Variants in PARVA observed in about 807,000 individuals in gnomAD.
PARVA encodes parvin alpha.
In PARVA, 25 loss-of-function variants were observed where a neutral mutation model predicts 52.6. That is an observed-to-expected ratio of 0.48 (90% CI 0.35 to 0.66). The LOEUF is 0.66. Among genes scored for constraint, PARVA ranks in the 30% least tolerant of loss-of-function variants. PARVA has a pLI of 0.01. For synonymous variants in PARVA, 185 were observed against 179.1 expected, an observed-to-expected ratio of 1.03 and a Z score of -0.26; for missense variants, 373 against 450.9, an observed-to-expected ratio of 0.83 and a Z score of 1.56.
upstream of PARVA, chr11:12,377,396 C>A (rs927332970): frequency 2.2e-6 from 3 of 1,360,448 alleles, no homozygotes; most frequent in Middle Eastern, 2.3e-4. Context: ...GGGGCATCCT[C>A]CCTGCTTGGG....
At chr11:12,396,445 A>G (rs1419468782) in intron 1 of PARVA, among the ~76,000 whole-genome samples, 2 of 152,216 alleles carry the variant, frequency 1.3e-5, no homozygotes, top group Non-Finnish European at 2.9e-5. Context: ...CCCTGGAAGC[A>G]AAGTGCCTGG....
At chr11:12,464,652 T>C (rs1307144511) in intron 1 of PARVA, among the ~76,000 whole-genome samples, 5 of 152,234 alleles carry the variant, frequency 3.3e-5, no homozygotes, top group Non-Finnish European at 7.3e-5. Flanking sequence ...ATTCCATCCT[T>C]GGGTCCTCTA....
intron 1 of PARVA, among the ~76,000 whole-genome samples, chr11:12,438,864 G>A (rs1940423797): frequency 6.6e-6 from 1 of 152,168 alleles, no homozygotes; most frequent in South Asian, 2.1e-4. Flanking sequence ...CACAAGGTTG[G>A]CACTCAGTAA....
At chr11:12,504,577 G>A (rs900107321) in intron 6 of PARVA, 148 bp downstream of exon 6, 1 of 621,056 alleles carries the variant, frequency 1.6e-6, no homozygotes, top group African/African-American at 1.8e-5. Context: ...CACTGAATGA[G>A]CTTTCTGTTG....
chr11:12,463,728 G>C (rs898534442), intron 1 of PARVA, among the ~76,000 whole-genome samples: 1 of 152,144 alleles, frequency 6.6e-6, no homozygotes, highest in Non-Finnish European at 1.5e-5. Flanking sequence ...TTTCAGAACA[G>C]AGGATCTATG....
chr11:12,471,387 ACT>A (rs1564855504), intron 1 of PARVA, among the ~76,000 whole-genome samples: 2 of 152,224 alleles, frequency 1.3e-5, no homozygotes, highest in South Asian at 2.1e-4. Context: ...TTATTTTTTA[ACT>A]TTAAGTTCAG....
intron 7 of PARVA, among the ~76,000 whole-genome samples, chr11:12,510,557 A>G (rs4757550): frequency 0.96 from 146,014 of 152,060 alleles, 70,394 homozygotes; most frequent in East Asian, 1. Flanking sequence ...AGACATACCC[A>G]AAACTGGGAA....
intron 1 of PARVA, among the ~76,000 whole-genome samples, chr11:12,429,079 G>T (rs113495972): frequency 1.3e-5 from 2 of 152,160 alleles, no homozygotes; most frequent in Non-Finnish European, 1.5e-5. Flanking sequence ...CTGGGCTCAC[G>T]TGATCCTCCT....
chr11:12,417,025 G>C (rs1589949626), intron 1 of PARVA, among the ~76,000 whole-genome samples: 1 of 152,260 alleles, frequency 6.6e-6, no homozygotes, highest in South Asian at 2.1e-4. Flanking sequence ...TTATAATGGA[G>C]AACTGTGTTT....
chr11:12,420,016 A>G (rs1426856855), intron 1 of PARVA, among the ~76,000 whole-genome samples: 1 of 152,210 alleles, frequency 6.6e-6, no homozygotes, highest in Non-Finnish European at 1.5e-5. Context: ...TATATTAATT[A>G]TAAGTTCTGT....
intron 5 of PARVA, among the ~76,000 whole-genome samples, chr11:12,497,023 G>C (rs759023534): frequency 6.6e-6 from 1 of 152,050 alleles, no homozygotes; most frequent in Non-Finnish European, 1.5e-5. Context: ...CAAAGCCCGC[G>C]CCCTTCCAAT....
intron 1 of PARVA, among the ~76,000 whole-genome samples, chr11:12,407,855 G>C (rs1439665157): frequency 6.6e-6 from 1 of 152,196 alleles, no homozygotes; most frequent in Non-Finnish European, 1.5e-5. Context: ...CTCATAAGGA[G>C]TAGGTCTCCC....
intron 1 of PARVA, among the ~76,000 whole-genome samples, chr11:12,449,825 T>C (rs1007758517): frequency 1.3e-5 from 2 of 152,208 alleles, no homozygotes; most frequent in Admixed American, 6.5e-5. Flanking sequence ...CAAGGGATTA[T>C]CCTGTCCAAA....
At chr11:12,464,963 C>T (rs143710397) in intron 1 of PARVA, among the ~76,000 whole-genome samples, 6 of 152,266 alleles carry the variant, frequency 3.9e-5, no homozygotes, top group Middle Eastern at 3.4e-3. Flanking sequence ...GCATTAAATT[C>T]TCATAAGGAG....
chr11:12,513,669 G>C (rs1941531688), intron 9 of PARVA: 1 of 589,348 alleles, frequency 1.7e-6, no homozygotes, highest in African/African-American at 1.8e-5. Context: ...TGCCGAAGAA[G>C]GGACAGGAAG....
chr11:12,499,000 C>T (rs568457798), intron 5 of PARVA, among the ~76,000 whole-genome samples: 49 of 152,268 alleles, frequency 3.2e-4, no homozygotes, highest in African/African-American at 1.2e-3. Flanking sequence ...GGGTAGATAT[C>T]CCACTGTTAA....
At chr11:12,419,401 C>T (rs1940115688) in intron 1 of PARVA, among the ~76,000 whole-genome samples, 1 of 152,098 alleles carries the variant, frequency 6.6e-6, no homozygotes, top group South Asian at 2.1e-4. Context: ...TTACTTCACT[C>T]AGTATAATGT....
At chr11:12,397,216 C>A (rs1180829566) in intron 1 of PARVA, among the ~76,000 whole-genome samples, 1 of 152,058 alleles carries the variant, frequency 6.6e-6, no homozygotes, top group Non-Finnish European at 1.5e-5. Flanking sequence ...TTTATTTAAT[C>A]ATATCTTTCA....
chr11:12,411,375 G>A (rs1297250133), intron 1 of PARVA, among the ~76,000 whole-genome samples: 2 of 152,088 alleles, frequency 1.3e-5, no homozygotes, highest in South Asian at 4.1e-4. Flanking sequence ...ATTGTACATT[G>A]GTATGGTACA....
Sources: allele counts gnomAD v4.1 joint callset (sites outside exome capture counted in the v4.1 genomes callset), GRCh38; gene constraint gnomAD v4.1.1; transcripts MANE v1.5; gene names NCBI Gene and HGNC (gene_info 2026-07-23, HGNC 2026-07-21).